AKAP11: variants seen among roughly 807,000 people sequenced by gnomAD.
AKAP11 encodes A-kinase anchoring protein 11.
AKAP11 carries 36 observed loss-of-function variants against 146.1 expected under a neutral mutation model. That is an observed-to-expected ratio of 0.25 (90% CI 0.19 to 0.33). The LOEUF (loss-of-function observed/expected upper bound fraction) is 0.33. Among genes scored for constraint, AKAP11 ranks in the 10% least tolerant of loss-of-function variants. The pLI, the probability that AKAP11 is intolerant of heterozygous loss-of-function variation, is 1.00. For missense variants in AKAP11, 2,201 were observed against 2,197.0 expected, an observed-to-expected ratio of 1.00 and a Z score of -0.04; for synonymous variants, 780 against 786.5, an observed-to-expected ratio of 0.99 and a Z score of 0.14.
chr13:42,305,467 A>G (rs9525606), intron 8 of AKAP11, among the ~76,000 whole-genome samples: 3,985 of 152,232 alleles, frequency 0.026, 75 homozygotes, highest in Middle Eastern at 0.055. Context: ...CTGTGGGCCA[A>G]TGTGGCCTAC....
chr13:42,292,871 G>A lies in AKAP11; in HGVS notation c.168+370G>A, dbSNP rs144408228. Among the ~76,000 whole-genome samples, 818 of 151,908 alleles carry A rather than the reference G, an allele frequency of 5.4e-3. 6 individuals carry two copies. The highest frequency in any genetic ancestry group is 6.8e-3 in the Middle Eastern group (2 of 294). On this transcript the variant is annotated intron_variant, in intron 4 of 12. Coordinates refer to ENST00000025301, the MANE Select transcript of AKAP11 (RefSeq NM_016248.4). ...TGCATGATTCTTATGTTGATTTTTT[G>A]GGTTATTTTCTTGACTGTTTAAATT...
chr13:42,308,389 G>A, intron 8 of AKAP11, 65 bp from the exon 9 acceptor site: 1 of 1,335,146 alleles, frequency 7.5e-7, no homozygotes, highest in East Asian at 2.3e-5. Flanking sequence ...CAAATTGATA[G>A]TCTTGTAAGT....
In AKAP11 at chr13:42,319,074, T is replaced by C. The variant is rs367768705; in HGVS notation, c.5566-14T>C. 7 of 1,610,958 alleles carry C rather than the reference T, an allele frequency of 4.3e-6. No homozygotes were observed. Among genetic ancestry groups the C allele is most frequent in the African/African-American group, 1.3e-5 (1 of 74,856 alleles). On this transcript the variant is annotated splice_polypyrimidine_tract_variant and intron_variant, in intron 12 of 12. Transcript: ENST00000025301. ...TTGTTTTTGGTTAATGTTTGACACA[T>C]CTTTCTTTCTTAGCTTTCAAAACAA...
At chr13:42,274,329 C>T (rs543331479) in intron 1 of AKAP11, among the ~76,000 whole-genome samples, 1 of 152,080 alleles carries the variant, frequency 6.6e-6, no homozygotes, top group African/African-American at 2.4e-5. Flanking sequence ...TTAAAAACAG[C>T]CTGGAAAGAT....
chr13:42,295,809 A>G, intron 5 of AKAP11, 67 bp downstream of exon 5: 1 of 1,464,706 alleles, frequency 6.8e-7, no homozygotes, highest in Non-Finnish European at 9.5e-7. Flanking sequence ...GTTTGACCAC[A>G]AAAGTCATTT....
At chr13:42,314,041 G>A in intron 11 of AKAP11, 101 bp downstream of exon 11, 1 of 1,155,436 alleles carries the variant, frequency 8.7e-7, no homozygotes, top group Non-Finnish European at 1.2e-6. Flanking sequence ...GGTTATCAGT[G>A]TAAAACATTA....
chr13:42,302,628 T>C lies in AKAP11; in HGVS notation c.3882T>C (p.Gly1294=), dbSNP rs111641503. Residue 1294 remains glycine (G), a synonymous_variant, in exon 8 of 13, where the codon GGT becomes GGC. Coordinates refer to ENST00000025301, the MANE Select transcript of AKAP11 (RefSeq NM_016248.4). The part of the protein sequence containing the change: ...KQKKNSCYAD[G]DEDYKVEEKL... ...AGAAGAACAGTTGTTATGCTGATGG[T>C]GACGAAGATTATAAAGTAGAAGAGA... 2 of 1,614,068 alleles carry C rather than the reference T, an allele frequency of 1.2e-6. No individual in the cohort carries two copies. The highest frequency in any genetic ancestry group is 2.2e-5 in the East Asian group (1 of 44,856).
intron 1 of AKAP11, among the ~76,000 whole-genome samples, chr13:42,272,649 G>A (rs1449443660): frequency 3.9e-5 from 6 of 152,204 alleles, no homozygotes. Context: ...CAGCGGTTGG[G>A]AGGACGTTGC....
Position 42,322,136 on chromosome 13 carries a change from A to G in AKAP11, c.*2908A>G, listed in dbSNP as rs1419572048. 3 of 152,250 alleles carry G rather than the reference A, an allele frequency of 2.0e-5. No homozygotes were observed. Among genetic ancestry groups the G allele is most frequent in the Non-Finnish European group, 4.4e-5 (3 of 67,972 alleles). 9.4% of individuals were successfully genotyped at this position (152,250 alleles called of 1,614,324 possible). ...TGATATAATTTAATGGTGTTATAAAACCTTTAAGAGGATTCATGGTGAATA... is the reference window on the plus strand; with the variant it reads ...TGATATAATTTAATGGTGTTATAAAGCCTTTAAGAGGATTCATGGTGAATA... On this transcript the variant is annotated 3_prime_UTR_variant, in exon 13 of 13. Coordinates refer to ENST00000025301, the MANE Select transcript of AKAP11 (RefSeq NM_016248.4).
At chr13:42,312,568 TAG>T (rs952781039) in intron 9 of AKAP11, among the ~76,000 whole-genome samples, 1 of 152,364 alleles carries the variant, frequency 6.6e-6, no homozygotes. Flanking sequence ...TATGTCTTTA[TAG>T]AGTCTTCCAT....
Position 42,301,390 on chromosome 13 carries a change from A to G in AKAP11, c.2644A>G (p.Thr882Ala). Residue 882 changes from threonine to alanine, a missense_variant, in exon 8 of 13, where the codon ACG becomes GCG. This residue lies in a region of AKAP11 where 1,867 missense variants were observed against 1,833.5 expected (regional missense o/e 1.02). Coordinates refer to ENST00000025301, the MANE Select transcript of AKAP11 (RefSeq NM_016248.4). ...CAACTTTTCTGCAGCAGTGGTGCAT[A>G]CGATAGTAAATGAAACTTTAGAGTC... is the stretch of plus-strand genomic sequence containing the variant. The part of the protein sequence containing the change: ...ISNFSAAVVH[T>A]IVNETLESMT... 1 of 1,613,734 alleles carries G rather than the reference A, an allele frequency of 6.2e-7. No individual in the cohort carries two copies.
Position 42,303,136 on chromosome 13 carries a change from A to G in AKAP11, c.4390A>G (p.Ser1464Gly). 6.2e-7 allele frequency: 1 copy of G among 1,614,200 alleles called. No individual in the cohort carries two copies. ...LYSFSTSLVH[S>G]ITKDAKEELT... ...TAGTTTTTCAACCTCTCTGGTTCAC[A>G]GCATAACAAAAGATGCTAAGGAAGA... The change falls in exon 8 of 13, where the codon AGC becomes GGC. Residue 1464 changes from serine to glycine, a missense_variant. Transcript: ENST00000025301.
At chr13:42,298,844 T>G in intron 7 of AKAP11, 47 bp downstream of exon 7, 1 of 1,527,330 alleles carries the variant, frequency 6.5e-7, no homozygotes. Context: ...ATTAAAATTT[T>G]TCAGTTTTGA....
At chr13:42,308,988 C>T (rs1050793906) in intron 9 of AKAP11, among the ~76,000 whole-genome samples, 2 of 151,928 alleles carry the variant, frequency 1.3e-5, no homozygotes, top group African/African-American at 4.8e-5. Flanking sequence ...ATCAAAGTAG[C>T]CCTGTACTTT....
At chr13:42,287,057 A>G (rs1443482639) in intron 3 of AKAP11, among the ~76,000 whole-genome samples, 1 of 152,078 alleles carries the variant, frequency 6.6e-6, no homozygotes, top group African/African-American at 2.4e-5. Flanking sequence ...TTTGATTTTC[A>G]TTATAGGTTT....
At chr13:42,313,991 C>G in intron 11 of AKAP11, 51 bp downstream of exon 11, 1 of 1,576,718 alleles carries the variant, frequency 6.3e-7, no homozygotes, top group Non-Finnish European at 8.7e-7. Flanking sequence ...TATAAGGTTT[C>G]CTAGAAGAGT....
At chr13:42,306,560 CTCT>C (rs1192848232) in intron 8 of AKAP11, among the ~76,000 whole-genome samples, 3 of 152,204 alleles carry the variant, frequency 2.0e-5, no homozygotes, top group African/African-American at 7.2e-5. Context: ...TTTCCTGCTT[CTCT>C]TCTTAATAAT....
intron 11 of AKAP11, 39 bp downstream of exon 11, chr13:42,313,979 T>G (rs1305950723): frequency 6.2e-7 from 1 of 1,604,504 alleles, no homozygotes; most frequent in Non-Finnish European, 8.5e-7. Context: ...GCATGTGTTT[T>G]GTATAAGGTT....
At chr13:42,296,974 T>G in intron 5 of AKAP11, 74 bp from the exon 6 acceptor site, 1 of 1,356,082 alleles carries the variant, frequency 7.4e-7, no homozygotes, top group Non-Finnish European at 9.9e-7. Context: ...AATTTTTGGA[T>G]AGGGTCCACA....
Sources: gnomAD v4.1 joint callset for allele counts (sites outside exome capture counted in the v4.1 genomes callset) on GRCh38, gnomAD v4.1.1 for gene constraint, gnomAD v4.1.1 regional missense constraint, MANE v1.5 for transcripts, NCBI Gene and HGNC (gene_info 2026-07-23, HGNC 2026-07-21) for gene names.